NUMB: variants seen among roughly 807,000 people sequenced by gnomAD.
NUMB encodes protein numb homolog.
Under a neutral mutation model 59.7 loss-of-function variants are expected in NUMB, and 29 were observed. The observed-to-expected ratio is 0.49, with a 90% CI of 0.36 to 0.66. The LOEUF (loss-of-function observed/expected upper bound fraction) is 0.66, where lower values mean the gene tolerates loss of function less well. NUMB is among the 30% of genes least tolerant of loss of function. The pLI, the probability that NUMB is intolerant of heterozygous loss-of-function variation, is 0.00. For missense variants in NUMB, 723 were observed against 822.0 expected (o/e 0.88, Z 1.47); for synonymous variants, 288 against 288.2 (o/e 1.00, Z 0.01).
chr14:73,395,030 CGTGTGTTTGTGTGTGTGTGTGTGTGTGT>C (rs1364757987), intron 2 of NUMB, among the ~76,000 whole-genome samples: 3,997 of 58,318 alleles, frequency 0.069, 207 homozygotes, highest in African/African-American at 0.16. Flanking sequence ...GAATAGTATT[CGTGTGTTTGTGTGTGTGTGTGTGTGTGT>C]GTGTGTGTGT....
At chr14:73,352,508 ATATATATATATATATATATATGTTTT>A (rs1893422036) in intron 4 of NUMB, among the ~76,000 whole-genome samples, 1 of 12,408 alleles carries the variant, frequency 8.1e-5, no homozygotes, top group Non-Finnish European at 1.2e-4. Context: ...ATATATATAT[ATATATATATATATATATATATGTTTT>A]TTTTTTTTTT....
At chr14:73,402,184 T>C (rs906230529) in intron 2 of NUMB, among the ~76,000 whole-genome samples, 6 of 152,156 alleles carry the variant, frequency 3.9e-5, no homozygotes, top group African/African-American at 1.4e-4. Flanking sequence ...TTTATCATGG[T>C]GGGAAAAGAC....
intron 6 of NUMB, among the ~76,000 whole-genome samples, chr14:73,302,405 CTTT>C (rs71112726): frequency 0.17 from 19,307 of 114,990 alleles, 1,528 homozygotes; most frequent in Non-Finnish European, 0.23. Flanking sequence ...TTCCACATTT[CTTT>C]TTTTTTTTTT....
intron 4 of NUMB, 146 bp from the exon 5 acceptor site, chr14:73,323,350 G>A (rs1891502805): frequency 3.8e-6 from 2 of 531,758 alleles, no homozygotes; most frequent in South Asian, 5.3e-5. Context: ...TGTCAAGCAT[G>A]TTGGATAAGA....
intron 1 of NUMB, among the ~76,000 whole-genome samples, chr14:73,448,881 C>T (rs1359696583): frequency 1.3e-5 from 2 of 151,976 alleles, no homozygotes; most frequent in Non-Finnish European, 2.9e-5. Context: ...CCCATGGATA[C>T]CAAAATCTGC....
chr14:73,287,465 G>C, intron 8 of NUMB, 151 bp from the exon 9 acceptor site: 1 of 663,060 alleles, frequency 1.5e-6, no homozygotes. Context: ...TGCAACCTCT[G>C]CCTCCGGGCT....
At chr14:73,373,584 C>T (rs772241607) in intron 2 of NUMB, among the ~76,000 whole-genome samples, 1 of 151,852 alleles carries the variant, frequency 6.6e-6, no homozygotes, top group Non-Finnish European at 1.5e-5. Context: ...GTTATAAAAC[C>T]TTAAAGCTGT....
chr14:73,421,511 T>C (rs1015639466), intron 1 of NUMB, among the ~76,000 whole-genome samples: 5 of 152,146 alleles, frequency 3.3e-5, no homozygotes, highest in Admixed American at 1.3e-4. Context: ...TATTTTAATA[T>C]GCAAATGCTC....
Position 73,388,738 on chromosome 14 carries a change from G to A in NUMB, c.-101+21199C>T, listed in dbSNP as rs527480365. Among the ~76,000 whole-genome samples the A allele has an allele frequency of 1.2e-4, 18 of 152,220 alleles. No individual in the cohort carries two copies. In the South Asian group the frequency reaches 2.5e-3, roughly 21 times the overall value. On this transcript the variant is annotated intron_variant, in intron 2 of 12. Transcript: ENST00000555238. ...AGCACTTTGAGAGGCTGAGGCGGGC[G>A]GATCACTTGAGGTCAGGAGTTGGCA...
At chr14:73,303,827 C>A (rs536846294) in intron 6 of NUMB, among the ~76,000 whole-genome samples, 6 of 151,912 alleles carry the variant, frequency 3.9e-5, no homozygotes, top group Non-Finnish European at 8.8e-5. Flanking sequence ...ATGGACAGAA[C>A]TTTAGTAACT....
At chr14:73,296,601 G>A (rs906127108) in intron 7 of NUMB, among the ~76,000 whole-genome samples, 1 of 152,188 alleles carries the variant, frequency 6.6e-6, no homozygotes, top group African/African-American at 2.4e-5. Context: ...AGTCTCTCAG[G>A]AGATTGTACT....
At chr14:73,387,956 CAAAAA>C (rs66701940) in intron 2 of NUMB, among the ~76,000 whole-genome samples, 8 of 94,388 alleles carry the variant, frequency 8.5e-5, no homozygotes, top group African/African-American at 1.5e-4. Flanking sequence ...CTGTCTCTAC[CAAAAA>C]AAAAAAAAAA....
intron 1 of NUMB, among the ~76,000 whole-genome samples, chr14:73,441,153 AT>A (rs1233522312): frequency 6.6e-6 from 1 of 152,208 alleles, no homozygotes; most frequent in African/African-American, 2.4e-5. Flanking sequence ...CGGCAAGCAT[AT>A]AAAAAGACAC....
At chr14:73,426,920 T>C (rs1156598661) in intron 1 of NUMB, among the ~76,000 whole-genome samples, 3 of 151,660 alleles carry the variant, frequency 2.0e-5, no homozygotes, top group Non-Finnish European at 4.4e-5. Flanking sequence ...GAGGCTGAGA[T>C]GGAGGATCAC....
intron 2 of NUMB, among the ~76,000 whole-genome samples, chr14:73,383,517 A>C (rs548453660): frequency 2.0e-3 from 311 of 152,304 alleles, no homozygotes; most frequent in Non-Finnish European, 3.8e-3. Flanking sequence ...AGTTATCTAG[A>C]ATCCCAGAGG....
chr14:73,303,306 A>G (rs1890251737), intron 6 of NUMB, among the ~76,000 whole-genome samples: 1 of 152,142 alleles, frequency 6.6e-6, no homozygotes, highest in Non-Finnish European at 1.5e-5. Flanking sequence ...CTGGCCAGGC[A>G]TGGTGGCTCA....
intron 2 of NUMB, among the ~76,000 whole-genome samples, chr14:73,382,187 C>T (rs766734091): frequency 6.6e-5 from 10 of 152,316 alleles, no homozygotes; most frequent in Non-Finnish European, 8.8e-5. Flanking sequence ...GCTCTTGTTG[C>T]CCAGGCTGGA....
intron 2 of NUMB, among the ~76,000 whole-genome samples, chr14:73,381,478 AG>A (rs1289586495): frequency 1.3e-5 from 2 of 152,204 alleles, no homozygotes; most frequent in Non-Finnish European, 2.9e-5. Flanking sequence ...TTTCCCTTCA[AG>A]GTCTCTAAGC....
chr14:73,414,693 T>A (rs768559128), intron 1 of NUMB, among the ~76,000 whole-genome samples: 1 of 152,072 alleles, frequency 6.6e-6, no homozygotes, highest in Non-Finnish European at 1.5e-5. Context: ...GGCCCCCAGA[T>A]AATGACCGGT....
Sources: allele counts gnomAD v4.1 joint callset (sites outside exome capture counted in the v4.1 genomes callset), GRCh38; gene constraint gnomAD v4.1.1; transcripts MANE v1.5; gene names NCBI Gene and HGNC (gene_info 2026-07-23, HGNC 2026-07-21).